DMBT1: variants seen among roughly 807,000 people sequenced by gnomAD.
The protein encoded by DMBT1 is deleted in malignant brain tumors 1.
DMBT1 carries 198 observed loss-of-function variants against 252.9 expected under a neutral mutation model. The ratio of observed to expected loss-of-function variants is 0.78; its 90% CI spans 0.70 to 0.88. The LOEUF (loss-of-function observed/expected upper bound fraction) is 0.88, where lower values mean the gene tolerates loss of function less well. Among genes scored for constraint, DMBT1 ranks in the 40% least tolerant of loss-of-function variants. DMBT1 has a pLI of 0.00. For missense variants in DMBT1, 2,432 were observed against 2,404.7 expected, an observed-to-expected ratio of 1.01 and a Z score of -0.24; for synonymous variants, 990 against 942.7, an observed-to-expected ratio of 1.05 and a Z score of -0.92.
chr10:122,577,469 C>T (rs546751378), intron 7 of DMBT1, among the ~76,000 whole-genome samples: 2 of 152,266 alleles, frequency 1.3e-5, no homozygotes, highest in Middle Eastern at 3.4e-3. Flanking sequence ...TCAGACTCAT[C>T]GCAGCTCAAG....
intron 6 of DMBT1, 51 bp downstream of exon 6, chr10:122,573,813 CT>C: frequency 6.3e-7 from 1 of 1,593,284 alleles, no homozygotes; most frequent in South Asian, 1.1e-5. Context: ...CCCTGCACCC[CT>C]AGGTTAATCT....
intron 2 of DMBT1, among the ~76,000 whole-genome samples, chr10:122,568,153 G>A (rs937222882): frequency 1.3e-5 from 2 of 152,206 alleles, no homozygotes; most frequent in Non-Finnish European, 2.9e-5. Flanking sequence ...GATGTAGGAT[G>A]TGAGGAGAAG....
At chr10:122,639,290 A>G (rs2133698219) in intron 54 of DMBT1, among the ~76,000 whole-genome samples, 1 of 152,374 alleles carries the variant, frequency 6.6e-6, no homozygotes, top group East Asian at 1.9e-4. Context: ...TTGAAAGAGT[A>G]AGAAGGGTCA....
rs182661047 is a variant in DMBT1, at chr10:122,560,838, C to T, written c.61+7C>T. The T allele has an allele frequency of 7.0e-4, 1,092 of 1,553,926 alleles. 5 individuals carry two copies. The African/African-American group carries it at 0.013, about 18-fold the overall frequency. On this transcript the variant is annotated splice_region_variant and intron_variant, in intron 1 of 55. Coordinates refer to ENST00000338354, the MANE Select transcript of DMBT1 (RefSeq NM_001377530.1). ...GGACAAGTTCTATCTACAGGTATTACGTTTAATTATTATATTCATTAATTT... is the reference window on the plus strand; with the variant it reads ...GGACAAGTTCTATCTACAGGTATTATGTTTAATTATTATATTCATTAATTT...
intron 46 of DMBT1, among the ~76,000 whole-genome samples, chr10:122,628,769 A>G (rs1040268974): frequency 6.6e-6 from 1 of 152,240 alleles, no homozygotes; most frequent in Non-Finnish European, 1.5e-5. Context: ...AATGTCCACA[A>G]TAGGCAAATC....
chr10:122,560,974 G>T, intron 1 of DMBT1, 143 bp downstream of exon 1: 1 of 561,742 alleles, frequency 1.8e-6, no homozygotes. Context: ...TTGTTTGCAG[G>T]TATTCAGGAG....
chr10:122,575,042 C>G (rs956265047), intron 6 of DMBT1, among the ~76,000 whole-genome samples: 1 of 152,158 alleles, frequency 6.6e-6, no homozygotes, highest in African/African-American at 2.4e-5. Context: ...CTGTAGGTGC[C>G]CTGGACAAAT....
At chr10:122,630,267 G>C (rs2098151206) in intron 47 of DMBT1, 21 bp from the exon 48 acceptor site, 1 of 1,606,082 alleles carries the variant, frequency 6.2e-7, no homozygotes, top group Non-Finnish European at 8.5e-7. Flanking sequence ...ATGTTGACTT[G>C]AATACATTTT....
At chr10:122,577,549 C>G (rs1163430120) in intron 7 of DMBT1, among the ~76,000 whole-genome samples, 1 of 152,102 alleles carries the variant, frequency 6.6e-6, no homozygotes, top group Non-Finnish European at 1.5e-5. Flanking sequence ...GGTGTTGATA[C>G]CGAGGTTGTT....
intron 20 of DMBT1, among the ~76,000 whole-genome samples, chr10:122,592,801 AAAC>A (rs774887998): frequency 3.4e-5 from 5 of 148,740 alleles, no homozygotes; most frequent in Non-Finnish European, 7.5e-5. Context: ...CCCCAAACTG[AAAC>A]AACAACCCAG....
chr10:122,642,759 C>T (rs950286573), intron 55 of DMBT1, among the ~76,000 whole-genome samples: 4 of 152,150 alleles, frequency 2.6e-5, no homozygotes, highest in Non-Finnish European at 4.4e-5. Context: ...CTCTGGGTCC[C>T]GCTCCTGGGC....
At chr10:122,639,662 G>C (rs1338664854) in intron 54 of DMBT1, among the ~76,000 whole-genome samples, 1 of 152,194 alleles carries the variant, frequency 6.6e-6, no homozygotes, top group African/African-American at 2.4e-5. Context: ...TGGGCTCAGA[G>C]GCCTGACAAA....
Position 122,599,089 on chromosome 10 carries a change from T to A in DMBT1, c.3272T>A (p.Ile1091Asn), listed in dbSNP as rs754144160. Residue 1091 changes from isoleucine to asparagine, a missense_variant, in exon 26 of 56, where the codon ATC becomes AAC. Transcript: ENST00000338354. ...GGCCATAGTGAAGACGCTGGTGTCA[T>A]CTGCTCAGGTGGGCCTTCAAGAACT... is the stretch of plus-strand genomic sequence containing the variant. ...NCGHSEDAGV[I>N]CSASQSRPTP... 17 of 1,613,752 alleles carry A rather than the reference T, an allele frequency of 1.1e-5. No homozygotes were observed. The East Asian group carries it at 3.3e-4, about 32-fold the overall frequency.
At chr10:122,590,307 A>G (rs1222327760) in intron 17 of DMBT1, among the ~76,000 whole-genome samples, 1 of 148,922 alleles carries the variant, frequency 6.7e-6, no homozygotes, top group African/African-American at 2.4e-5. Flanking sequence ...AAGCCTTGTT[A>G]TGAATGCCTG....
chr10:122,638,679 A>C (rs1216091274), intron 54 of DMBT1, among the ~76,000 whole-genome samples: 1 of 152,178 alleles, frequency 6.6e-6, no homozygotes, highest in Non-Finnish European at 1.5e-5. Context: ...TCCTGAGCTC[A>C]AGTGATCCTC....
chr10:122,580,289 G>T (rs530983922), intron 10 of DMBT1, among the ~76,000 whole-genome samples: 48 of 152,318 alleles, frequency 3.2e-4, no homozygotes, highest in East Asian at 5.8e-4. Flanking sequence ...AAGATGCTTG[G>T]CTAAAAGTGG....
intron 44 of DMBT1, among the ~76,000 whole-genome samples, chr10:122,623,960 T>C (rs905284241): frequency 2.6e-5 from 4 of 152,258 alleles, no homozygotes; most frequent in African/African-American, 9.6e-5. Flanking sequence ...CCACTGTCCC[T>C]GTAGCTCATG....
intron 7 of DMBT1, among the ~76,000 whole-genome samples, chr10:122,577,016 T>C (rs1485358406): frequency 6.6e-6 from 1 of 152,218 alleles, no homozygotes; most frequent in Non-Finnish European, 1.5e-5. Flanking sequence ...GTGGGTACAA[T>C]GCCACGGTCA....
At chr10:122,626,351 T>A (rs1207034515) in intron 46 of DMBT1, among the ~76,000 whole-genome samples, 2 of 152,214 alleles carry the variant, frequency 1.3e-5, no homozygotes, top group African/African-American at 4.8e-5. Context: ...TTTCTCACAA[T>A]CATTTTAAGT....
Sources: gnomAD v4.1 joint callset for allele counts (sites outside exome capture counted in the v4.1 genomes callset) on GRCh38, gnomAD v4.1.1 for gene constraint, MANE v1.5 for transcripts, NCBI Gene and HGNC (gene_info 2026-07-23, HGNC 2026-07-21) for gene names.